The following DOK7 variants were observed in gnomAD, a reference collection of about 807,000 sequenced individuals.
The protein encoded by DOK7 is protein Dok-7.
DOK7 carries 32 observed loss-of-function variants against 30.7 expected under a neutral mutation model. That is an observed-to-expected ratio of 1.04 (90% CI 0.79 to 1.40). The LOEUF (loss-of-function observed/expected upper bound fraction) is 1.40. Among genes scored for constraint, DOK7 ranks in the 40% most tolerant of loss-of-function variants. The pLI, the probability that DOK7 is intolerant of heterozygous loss-of-function variation, is 0.00. For synonymous variants in DOK7, 447 were observed against 324.1 expected (o/e 1.38, Z -4.07); for missense variants, 1,007 against 699.2 (o/e 1.44, Z -4.97).
intron 6 of DOK7, among the ~76,000 whole-genome samples, chr4:3,490,758 ATTCC>A (rs1489681551): frequency 2.3e-4 from 20 of 87,364 alleles, no homozygotes; most frequent in South Asian, 4.6e-4. Flanking sequence ...CCTCCTGCTC[ATTCC>A]TTCTTTCCTT....
chr4:3,484,639 C>T (rs1005424755), intron 4 of DOK7: 53 of 985,380 alleles, frequency 5.4e-5, no homozygotes, highest in African/African-American at 1.4e-4. Flanking sequence ...GCGGCTGCAT[C>T]GCTCTGCCAG....
intron 5 of DOK7, 82 bp downstream of exon 5, chr4:3,485,740 T>G: frequency 7.2e-7 from 1 of 1,388,882 alleles, no homozygotes; most frequent in Non-Finnish European, 9.4e-7. Context: ...CACAGTGATT[T>G]GTCAGCCCCA....
chr4:3,482,742 G>C (rs1358236117), intron 4 of DOK7, among the ~76,000 whole-genome samples: 1 of 152,248 alleles, frequency 6.6e-6, no homozygotes, highest in Admixed American at 6.5e-5. Flanking sequence ...CTGTCTTGGG[G>C]AAGGGGCAGG....
rs370480283 is a variant in DOK7, at chr4:3,489,968, C to T, written c.772+172C>T. On this transcript the variant is annotated intron_variant, in intron 6 of 6. Coordinates refer to ENST00000340083, the MANE Select transcript of DOK7 (RefSeq NM_173660.5). ...CCAACTCCCCGCCCCGCCCGCTACTCATTCATCCTTCCTTCCCCACCACCC... is the reference window on the plus strand; with the variant it reads ...CCAACTCCCCGCCCCGCCCGCTACTTATTCATCCTTCCTTCCCCACCACCC... Among the ~76,000 whole-genome samples, 5 of 142,442 alleles carry T rather than the reference C, an allele frequency of 3.5e-5. No individual in the cohort carries two copies. The South Asian group carries it at 1.1e-3, about 32-fold the overall frequency. The allele number at this position is 142,442 out of a possible 152,430, so 93.4% of individuals were successfully genotyped here.
downstream of DOK7, among the ~76,000 whole-genome samples, chr4:3,497,184 C>G (rs1047292907): frequency 1.3e-5 from 2 of 151,902 alleles, no homozygotes; most frequent in African/African-American, 4.8e-5. Flanking sequence ...GAGACACAGA[C>G]TGGGGTCCAC....
At chr4:3,500,011 G>A (rs1182646793) in intron 6 of DOK7, among the ~76,000 whole-genome samples, 1 of 151,432 alleles carries the variant, frequency 6.6e-6, no homozygotes, top group Non-Finnish European at 1.5e-5. Flanking sequence ...AGGGGACAGC[G>A]CTTCCTTCTG....
At chr4:3,485,425 G>C in intron 4 of DOK7, 114 bp from the exon 5 acceptor site, 2 of 1,340,918 alleles carry the variant, frequency 1.5e-6, no homozygotes, top group Non-Finnish European at 2.0e-6. Flanking sequence ...GGGCCAGGCA[G>C]GGTGTCATTG....
At chr4:3,497,929 C>G (rs1338139057), downstream of DOK7, among the ~76,000 whole-genome samples, 2 of 152,182 alleles carry the variant, frequency 1.3e-5, no homozygotes, top group East Asian at 3.9e-4. Context: ...CGAGGCCACC[C>G]GTACCCTTCA....
chr4:3,490,275 CCACCT>C (rs1201990111), intron 6 of DOK7, among the ~76,000 whole-genome samples: 4 of 115,766 alleles, frequency 3.5e-5, no homozygotes, highest in African/African-American at 9.7e-5. Flanking sequence ...CCTTCCTTCC[CCACCT>C]TGCTCATTCA....
At chr4:3,488,814 T>C (rs1206436166) in intron 5 of DOK7, among the ~76,000 whole-genome samples, 1 of 146,410 alleles carries the variant, frequency 6.8e-6, no homozygotes, top group African/African-American at 2.8e-5. Context: ...AGGGAAACTC[T>C]TTGGGATGGC....
chr4:3,487,514 C>T lies in DOK7; in HGVS notation c.652+1856C>T, dbSNP rs115623682. On this transcript the variant is annotated intron_variant, in intron 5 of 6. Transcript: ENST00000340083. ...CCCTTGGTCTTCCGCATGTGGACACCGAGTCCCAGAGGCAGCCAGACCCAC... is the reference window on the plus strand; with the variant it reads ...CCCTTGGTCTTCCGCATGTGGACACTGAGTCCCAGAGGCAGCCAGACCCAC... Among the ~76,000 whole-genome samples, 1,029 of 152,314 alleles carry T rather than the reference C, an allele frequency of 6.8e-3. 9 individuals are homozygous for T. Among genetic ancestry groups the T allele is most frequent in the African/African-American group, 0.012 (486 of 41,570 alleles).
At chr4:3,498,079 CA>C (rs1424393983), downstream of DOK7, among the ~76,000 whole-genome samples, 3 of 152,228 alleles carry the variant, frequency 2.0e-5, no homozygotes, top group Non-Finnish European at 4.4e-5. Context: ...TGTCATGGGA[CA>C]GAGATGAGCC....
chr4:3,497,694 C>A (rs190266111), downstream of DOK7, among the ~76,000 whole-genome samples: 3 of 151,782 alleles, frequency 2.0e-5, no homozygotes, highest in African/African-American at 7.3e-5. Context: ...GGAGAGGACA[C>A]CCAGGGTGGG....
intron 6 of DOK7, 114 bp downstream of exon 6, chr4:3,489,910 ATTCCTTCT>A: frequency 6.9e-7 from 1 of 1,446,658 alleles, no homozygotes; most frequent in Non-Finnish European, 9.3e-7. Flanking sequence ...TCATTCATTC[ATTCCTTCT>A]GTCTCCTGCT....
At chr4:3,494,724 TG>T (rs1728807337), downstream of DOK7, among the ~76,000 whole-genome samples, 1 of 152,192 alleles carries the variant, frequency 6.6e-6, no homozygotes, top group Non-Finnish European at 1.5e-5. Flanking sequence ...GGCACATTCC[TG>T]GGTGTGTCCT....
chr4:3,490,523 CCCCCCGCTCATTCGTTCCTTCCTTCT>C (rs1378238950), intron 6 of DOK7, among the ~76,000 whole-genome samples: 1 of 84,564 alleles, frequency 1.2e-5, no homozygotes, highest in Non-Finnish European at 2.2e-5. Flanking sequence ...TTTCCTTCAC[CCCCCCGCTCATTCGTTCCTTCCTTCT>C]CCCCCTGCTC....
At chr4:3,463,450 C>CGGGGGGGGGGGGGGGGGGGGGGGG in intron 1 of DOK7, 21 bp downstream of exon 1, 5 of 1,229,770 alleles carry the variant, frequency 4.1e-6, no homozygotes, top group South Asian at 3.6e-5. Context: ...GTCGGGGGCG[C>CGGGGGGGGGGGGGGGGGGGGGGGG]GGGGGGGGGG....
At chr4:3,471,493 G>A (rs372767411) in intron 2 of DOK7, among the ~76,000 whole-genome samples, 7 of 152,220 alleles carry the variant, frequency 4.6e-5, no homozygotes, top group Non-Finnish European at 5.9e-5. Flanking sequence ...GAGGTGGCCC[G>A]GGCCCCTGCA....
intron 2 of DOK7, among the ~76,000 whole-genome samples, chr4:3,466,504 C>G (rs538206135): frequency 1.3e-5 from 2 of 152,202 alleles, no homozygotes. Flanking sequence ...ATTTCCTGTG[C>G]GTCTGGCTCC....
Sources: gnomAD v4.1 joint callset for allele counts (sites outside exome capture counted in the v4.1 genomes callset) on GRCh38, gnomAD v4.1.1 for gene constraint, MANE v1.5 for transcripts, NCBI Gene and HGNC (gene_info 2026-07-23, HGNC 2026-07-21) for gene names.